SMO: variants seen among roughly 807,000 people sequenced by gnomAD.
SMO encodes protein smoothened.
In SMO, 40 loss-of-function variants were observed where a neutral mutation model predicts 81.6. The ratio of observed to expected loss-of-function variants is 0.49; its 90% CI spans 0.38 to 0.64. The LOEUF (loss-of-function observed/expected upper bound fraction) is 0.64, where lower values mean the gene tolerates loss of function less well. SMO is among the 30% of genes least tolerant of loss of function. The pLI, the probability that SMO is intolerant of heterozygous loss-of-function variation, is 0.00. For synonymous variants in SMO, 434 were observed against 432.1 expected (o/e 1.00, Z -0.05); for missense variants, 916 against 1,061.1 (o/e 0.86, Z 1.90).
At position 129,213,153 on chromosome 7, in the gene SMO, C is replaced by G; in HGVS notation, c.*702C>G. On this transcript the variant is annotated 3_prime_UTR_variant, in exon 12 of 12. Coordinates refer to ENST00000249373, the MANE Select transcript of SMO (RefSeq NM_005631.5). Reference sequence around the variant, plus strand: ...TTGATGAGGACCCAGAGCTGCTGCACACACTCACCTCTAACCCCCTCCCCT... The same window carrying G: ...TTGATGAGGACCCAGAGCTGCTGCAGACACTCACCTCTAACCCCCTCCCCT... 1 of 234,752 alleles carries G rather than the reference C, an allele frequency of 4.3e-6. No individual in the cohort carries two copies. The highest frequency in any genetic ancestry group is 8.4e-6 in the Non-Finnish European group (1 of 119,260). 14.5% of individuals were successfully genotyped at this position (234,752 alleles called of 1,614,324 possible).
rs1369656559 is a variant in SMO, at chr7:129,212,122, A to G, written c.2035A>G (p.Lys679Glu). 6.4e-7 allele frequency: 1 copy of G among 1,568,020 alleles called. No homozygotes were observed. The highest frequency in any genetic ancestry group is 1.9e-5 in the Admixed American group (1 of 53,474). ...CCGGAAGAAGAAGAGGAGGAAGAGGAAGAAGGAGGTGTGCCCGCTGGCGCC... is the reference window on the plus strand; with the variant it reads ...CCGGAAGAAGAAGAGGAGGAAGAGGGAGAAGGAGGTGTGCCCGCTGGCGCC... ...LGRKKKRRKR[K>E]KEVCPLAPPP... Residue 679 changes from lysine (K) to glutamate (E), a missense_variant, in exon 12 of 12, where the codon AAG becomes GAG. Lys to Glu is a moderately conservative substitution (Grantham distance 56, BLOSUM62 1). Transcript: ENST00000249373. The surrounding 1 kb of genome is among the most constrained non-coding windows in gnomAD (Gnocchi z 5.0).
In SMO at chr7:129,213,395, C is replaced by T. The variant is rs777563391; in HGVS notation, c.*944C>T. The T allele has an allele frequency of 9.9e-5, 23 of 233,082 alleles. No homozygotes were observed. The highest frequency in any genetic ancestry group is 1.2e-4 in the East Asian group (2 of 16,524). 14.4% of individuals were successfully genotyped at this position (233,082 alleles called of 1,614,324 possible). ...GAAAGCTTCCTTCAACCTGCATAGC[C>T]GGTGGGTGAGGAGATTCCCACCTTC... On this transcript the variant is annotated 3_prime_UTR_variant, in exon 12 of 12. Transcript: ENST00000249373.
Position 129,206,674 on chromosome 7 carries a change from C to T in SMO, c.1264+87C>T, listed in dbSNP as rs1362926911. The T allele has an allele frequency of 2.2e-5, 32 of 1,464,874 alleles. No homozygotes were observed. Among genetic ancestry groups the T allele is most frequent in the Non-Finnish European group, 2.4e-5 (26 of 1,072,086 alleles). 90.7% of individuals were successfully genotyped at this position (1,464,874 alleles called of 1,614,324 possible). On this transcript the variant is annotated intron_variant, in intron 6 of 11. Coordinates refer to ENST00000249373, the MANE Select transcript of SMO (RefSeq NM_005631.5). The surrounding 1 kb of genome is among the most constrained non-coding windows in gnomAD (Gnocchi z 4.4). ...TACTGGGAGCTGCCAGCACGGCTGC[C>T]CCCATGCTGAAACCCCAGCTAGCTC...
rs1200234527 is a variant in SMO at position 129,208,751 on chromosome 7, C to CT, written c.1265-7dup. 6.3e-7 allele frequency: 1 copy of CT among 1,598,164 alleles called. No homozygotes were observed. Among genetic ancestry groups the CT allele is most frequent in the South Asian group, 1.1e-5 (1 of 90,624 alleles). ...CCTGCTAATGTCTGAGGTCCCCCTT[C>CT]TGTTCAGGAGTCATGACTCTGTTCT... On this transcript the variant is annotated splice_region_variant and splice_polypyrimidine_tract_variant and intron_variant, in intron 6 of 11. Coordinates refer to ENST00000249373, the MANE Select transcript of SMO (RefSeq NM_005631.5). This position sits in a 1 kb window ranked among gnomAD's most constrained non-coding sequence, Gnocchi z 5.2.
intron 1 of SMO, among the ~76,000 whole-genome samples, chr7:129,200,487 T>A (rs1793652837): frequency 6.6e-6 from 1 of 152,206 alleles, no homozygotes; most frequent in Admixed American, 6.5e-5. Flanking sequence ...ATGTAGTTAT[T>A]TTTTTATCCA....
At position 129,210,140 on chromosome 7, in the gene SMO, T is replaced by C. The variant is rs1298928610; in HGVS notation, c.1467-223T>C. On this transcript the variant is annotated intron_variant, in intron 8 of 11. Transcript: ENST00000249373. This position sits in a 1 kb window ranked among gnomAD's most constrained non-coding sequence, Gnocchi z 4.7. ...CTTAGCCCTTTCTAAAGTTTTTGGATTGATTGTCTGAGTCTACCCAGTAGA... is the reference window on the plus strand; with the variant it reads ...CTTAGCCCTTTCTAAAGTTTTTGGACTGATTGTCTGAGTCTACCCAGTAGA... The C allele has an allele frequency of 8.1e-6, 4 of 491,326 alleles. No homozygotes were observed. The highest frequency in any genetic ancestry group is 1.5e-5 in the Non-Finnish European group (4 of 269,470). 30.4% of individuals were successfully genotyped at this position (491,326 alleles called of 1,614,324 possible).
Position 129,211,093 on chromosome 7 carries a change from T to C in SMO, c.1781T>C (p.Val594Ala), listed in dbSNP as rs2150654833. 4 of 1,611,600 alleles carry C rather than the reference T, an allele frequency of 2.5e-6. No individual in the cohort carries two copies. The highest frequency in any genetic ancestry group is 3.4e-6 in the Non-Finnish European group (4 of 1,178,682). Residue 594 changes from valine to alanine, a missense_variant, in exon 10 of 12, where the codon GTG (valine) becomes GCG (alanine). Val to Ala is a moderately conservative substitution (Grantham distance 64). Transcript: ENST00000249373. This position sits in a 1 kb window ranked among gnomAD's most constrained non-coding sequence, Gnocchi z 4.6. Reference protein sequence around the residue: ...GQELSFSMHTVSHDGPVAGLA... With the variant: ...GQELSFSMHTASHDGPVAGLA... The stretch of plus-strand genomic sequence containing the variant: ...GAGCTGTCCTTCAGCATGCACACTG[T>C]GTCCCACGACGGGCCCGTGGGTGAG...
rs762902762 is a variant in SMO, at chr7:129,212,482, A to C, written c.*31A>C. 6.9e-6 allele frequency: 11 copies of C among 1,589,388 alleles called. No individual in the cohort carries two copies. The highest frequency in any genetic ancestry group is 9.5e-6 in the Non-Finnish European group (11 of 1,163,360). On this transcript the variant is annotated 3_prime_UTR_variant, in exon 12 of 12. Coordinates refer to ENST00000249373, the MANE Select transcript of SMO (RefSeq NM_005631.5). The surrounding 1 kb of genome is among the most constrained non-coding windows in gnomAD (Gnocchi z 5.0). Reference sequence around the variant, plus strand: ...CAGAGCAGGACCTGGGACAGGAAAGAGAGGAACCAATACCTTCAAGGCTCT... The same window carrying C: ...CAGAGCAGGACCTGGGACAGGAAAGCGAGGAACCAATACCTTCAAGGCTCT...
rs372843274 is a variant in SMO at position 129,205,748 on chromosome 7, C to T, written c.886C>T (p.Arg296Cys). The stretch of plus-strand genomic sequence containing the variant: ...TGGTGCCCGCCGAGAGATCGTCTGC[C>T]GTGCAGATGGCACCATGAGGCTTGG... The part of the protein sequence containing the change: ...MDGARREIVC[R>C]ADGTMRLGEP... Residue 296 changes from arginine to cysteine, a missense_variant, in exon 4 of 12, where the codon CGT (arginine) becomes TGT (cysteine). Physicochemically the swap from Arg to Cys is radical, Grantham distance 180. Coordinates refer to ENST00000249373, the MANE Select transcript of SMO (RefSeq NM_005631.5). The T allele has an allele frequency of 5.2e-5, 84 of 1,609,558 alleles. No individual in the cohort carries two copies. Among genetic ancestry groups the T allele is most frequent in the Admixed American group, 1.3e-4 (8 of 59,994 alleles).
rs77928609 is a variant in SMO at position 129,206,716 on chromosome 7, C to G, written c.1264+129C>G. On this transcript the variant is annotated intron_variant, in intron 6 of 11. Coordinates refer to ENST00000249373, the MANE Select transcript of SMO (RefSeq NM_005631.5). The surrounding 1 kb of genome is among the most constrained non-coding windows in gnomAD (Gnocchi z 4.4). ...AGCTAGCTCCTATAGGGCCTTCACA[C>G]AGTAGAAGGTGACCCTCTAGGCAGA... The G allele has an allele frequency of 1.9e-5, 17 of 897,820 alleles. 1 individual carries two copies. Among genetic ancestry groups the G allele is most frequent in the East Asian group, 7.3e-5 (3 of 41,012 alleles). 55.6% of individuals were successfully genotyped at this position (897,820 alleles called of 1,614,324 possible). A position where few individuals can be genotyped will look rare whatever the true frequency, so the allele number is the denominator to read the frequency against.
Position 129,205,698 on chromosome 7 carries a change from T to C in SMO, c.836T>C (p.Ile279Thr), listed in dbSNP as rs145388517. 36 of 1,613,442 alleles carry C rather than the reference T, an allele frequency of 2.2e-5. No homozygotes were observed. Among genetic ancestry groups the C allele is most frequent in the Non-Finnish European group, 2.3e-5 (27 of 1,180,014 alleles). Residue 279 changes from isoleucine to threonine, a missense_variant, in exon 4 of 12, where the codon ATT becomes ACT. By Grantham distance (89) the Ile-to-Thr change is moderately conservative (BLOSUM62 -1). This residue lies in a region of SMO where 436 missense variants were observed against 570.9 expected (regional missense o/e 0.76). Transcript: ENST00000249373. ...YVNACFFVGSIGWLAQFMDGA... is the reference protein window; with the variant it reads ...YVNACFFVGSTGWLAQFMDGA... ...AATGCGTGCTTCTTTGTGGGCAGCATTGGCTGGCTGGCCCAGTTCATGGAT... is the reference window on the plus strand; with the variant it reads ...AATGCGTGCTTCTTTGTGGGCAGCACTGGCTGGCTGGCCCAGTTCATGGAT...
intron 1 of SMO, among the ~76,000 whole-genome samples, chr7:129,196,327 TTGTGTG>T (rs57674265): frequency 7.6e-4 from 111 of 145,128 alleles, no homozygotes; most frequent in African/African-American, 2.5e-3. Flanking sequence ...CTATTCTTGA[TTGTGTG>T]TGTGTGTGTG....
chr7:129,199,831 T>A (rs893384252), intron 1 of SMO, among the ~76,000 whole-genome samples: 2 of 152,252 alleles, frequency 1.3e-5, no homozygotes, highest in East Asian at 1.9e-4. Context: ...ATTCTTTTTT[T>A]AAACTTTTAT....
intron 1 of SMO, among the ~76,000 whole-genome samples, chr7:129,202,352 T>C (rs1471607084): frequency 6.6e-6 from 1 of 152,172 alleles, no homozygotes; most frequent in African/African-American, 2.4e-5. Flanking sequence ...CTTACCTCTC[T>C]ACTATGTTGC....
chr7:129,204,570 C>T (rs536358780), intron 2 of SMO, among the ~76,000 whole-genome samples: 36 of 152,152 alleles, frequency 2.4e-4, no homozygotes, highest in African/African-American at 7.7e-4. Context: ...CGCTTGAACC[C>T]GGGAGGTGGA....
Position 129,213,206 on chromosome 7 carries a change from A to AG in SMO, c.*756dup, listed in dbSNP as rs1793908885. The stretch of plus-strand genomic sequence containing the variant: ...CTGCTGGGCCCCATCTCCACAGGAG[A>AG]GACTGGTTCAGCTCTAGGGCCTCAG... On this transcript the variant is annotated 3_prime_UTR_variant, in exon 12 of 12. Coordinates refer to ENST00000249373, the MANE Select transcript of SMO (RefSeq NM_005631.5). 4.3e-6 allele frequency: 1 copy of AG among 233,482 alleles called. No homozygotes were observed. Among genetic ancestry groups the AG allele is most frequent in the South Asian group, 1.8e-4 (1 of 5,520 alleles). The allele number at this position is 233,482 out of a possible 1,614,324, so 14.5% of individuals were successfully genotyped here. A position where few individuals can be genotyped will look rare whatever the true frequency, so the allele number is the denominator to read the frequency against.
chr7:129,210,997 G>A lies in SMO; in HGVS notation c.1685G>A (p.Arg562Gln), dbSNP rs121918348. ...LTGQSDDEPK[R>Q]IKKSKMIAKA... The stretch of plus-strand genomic sequence containing the variant: ...GGGCAGAGTGACGATGAGCCAAAGC[G>A]GATCAAGAAGAGCAAGATGATTGCC... The change falls in exon 10 of 12, where the codon CGG becomes CAG. Residue 562 changes from arginine (R) to glutamine (Q), a missense_variant. Arg to Gln is a conservative substitution (Grantham distance 43, BLOSUM62 1). Around this residue, in one of 4 missense-constraint regions of SMO, gnomAD observed 324 missense variants for 312.9 expected, o/e 1.04. Coordinates refer to ENST00000249373, the MANE Select transcript of SMO (RefSeq NM_005631.5). This position sits in a 1 kb window ranked among gnomAD's most constrained non-coding sequence, Gnocchi z 4.7. 2.7e-5 allele frequency: 43 copies of A among 1,613,436 alleles called. No homozygotes were observed. The highest frequency in any genetic ancestry group is 1.6e-4 in the Middle Eastern group (1 of 6,082).
chr7:129,193,785 AATATATATATATATATATAT>A (rs71526088), intron 1 of SMO, among the ~76,000 whole-genome samples: 3 of 26,354 alleles, frequency 1.1e-4, no homozygotes, highest in Non-Finnish European at 1.9e-4. Context: ...AAAAAAAAAA[AATATATATATATATATATAT>A]ATATATATAT....
intron 1 of SMO, among the ~76,000 whole-genome samples, chr7:129,194,620 TC>T (rs1232415537): frequency 2.0e-5 from 3 of 152,168 alleles, no homozygotes; most frequent in African/African-American, 7.2e-5. Context: ...AGTTTTGGAA[TC>T]CATAAGCAGT....
Sources: gnomAD v4.1 joint callset for allele counts (sites outside exome capture counted in the v4.1 genomes callset) on GRCh38, gnomAD v4.1.1 for gene constraint, gnomAD v4.1.1 regional missense constraint, Gnocchi (gnomAD v3.1) non-coding constraint, MANE v1.5 for transcripts, NCBI Gene and HGNC (gene_info 2026-07-23, HGNC 2026-07-21) for gene names.